Variants in DNAH3 observed in about 807,000 individuals in gnomAD.
DNAH3 encodes the protein axonemal beta dynein heavy chain 3.
Under a neutral mutation model 432.5 loss-of-function variants are expected in DNAH3, and 332 were observed. The ratio of observed to expected loss-of-function variants is 0.77; its 90% CI spans 0.70 to 0.84. The LOEUF (loss-of-function observed/expected upper bound fraction) is 0.84. Ranked by LOEUF, DNAH3 falls within the 40% of genes least tolerant of loss-of-function variation. The pLI, the probability that DNAH3 is intolerant of heterozygous loss-of-function variation, is 0.00. For synonymous variants in DNAH3, 1,956 were observed against 1,900.2 expected (o/e 1.03, Z -0.76); for missense variants, 4,861 against 5,114.0 (o/e 0.95, Z 1.51).
chr16:20,940,397 T>A (rs1273775276), intron 59 of DNAH3, among the ~76,000 whole-genome samples: 1 of 151,990 alleles, frequency 6.6e-6, no homozygotes, highest in Non-Finnish European at 1.5e-5. Context: ...GGTAGCAGGA[T>A]TAGTAACTGG....
At chr16:21,037,008 G>T (rs1056980841) in intron 34 of DNAH3, among the ~76,000 whole-genome samples, 160 bp from the exon 35 acceptor site, 1 of 152,166 alleles carries the variant, frequency 6.6e-6, no homozygotes, top group East Asian at 1.9e-4. Context: ...AAATGAAAAT[G>T]CTATTTATAA....
At chr16:20,938,210 G>A (rs1375576883) in intron 59 of DNAH3, among the ~76,000 whole-genome samples, 1 of 152,064 alleles carries the variant, frequency 6.6e-6, no homozygotes, top group African/African-American at 2.4e-5. Flanking sequence ...TGGCCAACAT[G>A]GTTAAACCCC....
At chr16:21,085,375 C>T (rs558140229) in intron 19 of DNAH3, among the ~76,000 whole-genome samples, 1 of 151,986 alleles carries the variant, frequency 6.6e-6, no homozygotes, top group Non-Finnish European at 1.5e-5. Context: ...GAAACCCCAT[C>T]TCTACTAAAA....
chr16:21,111,594 C>A, intron 14 of DNAH3, 32 bp downstream of exon 14: 1 of 1,589,312 alleles, frequency 6.3e-7, no homozygotes, highest in Non-Finnish European at 8.6e-7. Flanking sequence ...TGCCAAATAC[C>A]ATTGCTATTT....
At chr16:20,952,665 G>T in intron 55 of DNAH3, 116 bp from the exon 56 acceptor site, 1 of 697,212 alleles carries the variant, frequency 1.4e-6, no homozygotes. Context: ...TCAGGCTCAT[G>T]AATATCAAGC....
intron 38 of DNAH3, among the ~76,000 whole-genome samples, chr16:21,025,142 G>T (rs909245276): frequency 6.6e-6 from 1 of 152,016 alleles, no homozygotes; most frequent in Non-Finnish European, 1.5e-5. Context: ...TAGAGACAGG[G>T]TTGGCCAGGC....
intron 16 of DNAH3, among the ~76,000 whole-genome samples, chr16:21,103,352 TG>T (rs1316825475): frequency 1.4e-5 from 1 of 71,114 alleles, no homozygotes; most frequent in African/African-American, 5.1e-5. Flanking sequence ...AGGGTGTGTG[TG>T]TGGGGGGGGG....
intron 15 of DNAH3, among the ~76,000 whole-genome samples, chr16:21,105,774 AT>A (rs753696108): frequency 7.9e-5 from 12 of 152,218 alleles, no homozygotes; most frequent in African/African-American, 9.6e-5. Flanking sequence ...GACAAAAAAA[AT>A]AAATAAATAA....
intron 60 of DNAH3, 148 bp downstream of exon 60, chr16:20,936,501 A>G (rs1179772388): frequency 5.6e-6 from 4 of 708,600 alleles, no homozygotes; most frequent in Non-Finnish European, 9.2e-6. Context: ...CCTGCTTCTA[A>G]CTCCAGGAAG....
rs113904222 is a variant in DNAH3 at position 20,991,543 on chromosome 16, C to T, written c.6602-3478G>A. ...CCTCCCAAAGTGCTAGGATTACAGA[C>T]GTGAGCCTCTGCACCTGGCCTCATA... On this transcript the variant is annotated intron_variant, in intron 44 of 61. Transcript: ENST00000261383. Among the ~76,000 whole-genome samples, 312 of 152,288 alleles carry T rather than the reference C, an allele frequency of 2.0e-3. 2 individuals are homozygous for T. Among genetic ancestry groups the T allele is most frequent in the African/African-American group, 6.8e-3 (281 of 41,556 alleles).
exon 48 of DNAH3, chr16:20,985,224 G>A (rs2152668972): frequency 6.2e-7 from 1 of 1,614,204 alleles, no homozygotes; most frequent in South Asian, 1.1e-5. Context: ...TCAGAAGCAT[G>A]TTGATGTCCT....
At chr16:21,149,093 G>T (rs2092821844) in intron 1 of DNAH3, among the ~76,000 whole-genome samples, 1 of 152,002 alleles carries the variant, frequency 6.6e-6, no homozygotes, top group African/African-American at 2.4e-5. Context: ...TAGCCAGGCG[G>T]TGGCGCACAC....
chr16:21,037,815 T>C (rs1164244261), exon 34 of DNAH3: 2 of 1,614,058 alleles, frequency 1.2e-6, no homozygotes, highest in Non-Finnish European at 1.7e-6. Context: ...CATCAAGCAA[T>C]GCCCGGAGCA....
chr16:20,950,094 G>T (rs778820005), intron 56 of DNAH3, among the ~76,000 whole-genome samples: 9 of 152,096 alleles, frequency 5.9e-5, no homozygotes, highest in African/African-American at 1.9e-4. Context: ...GTAATCCTTC[G>T]GCATCAGCCT....
intron 1 of DNAH3, 35 bp from the exon 3 acceptor site, chr16:21,146,123 A>G (rs775059276): frequency 6.9e-7 from 1 of 1,454,930 alleles, no homozygotes; most frequent in Non-Finnish European, 9.7e-7. Context: ...CCCTTCAAAA[A>G]TTAGGGAAGA....
At chr16:21,047,055 T>G (rs2089733141) in intron 31 of DNAH3, among the ~76,000 whole-genome samples, 1 of 152,188 alleles carries the variant, frequency 6.6e-6, no homozygotes, top group African/African-American at 2.4e-5. Context: ...GCTGTTACTC[T>G]GACGCGCTTC....
exon 26 of DNAH3, chr16:21,060,305 T>C (rs748955043): frequency 1.2e-6 from 2 of 1,614,130 alleles, no homozygotes; most frequent in Non-Finnish European, 1.7e-6. Context: ...ACTTCTCGCA[T>C]ACTGGCCAGC....
chr16:20,993,229 A>C (rs1269293884), intron 44 of DNAH3, among the ~76,000 whole-genome samples: 3 of 152,148 alleles, frequency 2.0e-5, no homozygotes, highest in Non-Finnish European at 4.4e-5. Context: ...GGTTCTCAAA[A>C]ACTCAAGGGA....
intron 41 of DNAH3, among the ~76,000 whole-genome samples, chr16:21,006,128 A>G (rs1278754212): frequency 6.6e-6 from 1 of 152,098 alleles, no homozygotes; most frequent in African/African-American, 2.4e-5. Context: ...GATTACTTCA[A>G]TGTTTTTCTC....
Sources: gnomAD v4.1 joint callset for allele counts (sites outside exome capture counted in the v4.1 genomes callset) on GRCh38, gnomAD v4.1.1 for gene constraint, MANE v1.5 for transcripts, NCBI Gene and HGNC (gene_info 2026-07-23, HGNC 2026-07-21) for gene names.